TMTC1: variants seen among roughly 807,000 people sequenced by gnomAD.
The protein encoded by TMTC1 is transmembrane O-mannosyltransferase targeting cadherins 1, also known as protein O-mannosyl-transferase TMTC1.
In TMTC1, 73 loss-of-function variants were observed where a neutral mutation model predicts 104.8. That is an observed-to-expected ratio of 0.70 (90% CI 0.58 to 0.85). The LOEUF is 0.85. Among genes scored for constraint, TMTC1 ranks in the 40% least tolerant of loss-of-function variants. The pLI, the probability that TMTC1 is intolerant of heterozygous loss-of-function variation, is 0.00. For missense variants in TMTC1, 1,035 were observed against 1,096.1 expected (o/e 0.94, Z 0.79); for synonymous variants, 434 against 428.7 (o/e 1.01, Z -0.15).
intron 5 of TMTC1, among the ~76,000 whole-genome samples, chr12:29,641,947 TTGGA>T (rs766237731): frequency 1.9e-4 from 29 of 152,246 alleles, no homozygotes; most frequent in Admixed American, 5.9e-4. Flanking sequence ...GTGAAATGCC[TTGGA>T]AGTTCTCAGC....
intron 16 of TMTC1, among the ~76,000 whole-genome samples, chr12:29,512,401 A>AT (rs1430896846): frequency 6.6e-6 from 1 of 152,210 alleles, no homozygotes; most frequent in African/African-American, 2.4e-5. Flanking sequence ...ATATCACATC[A>AT]TTTTTAACTG....
At chr12:29,638,512 G>C (rs567629839) in intron 5 of TMTC1, among the ~76,000 whole-genome samples, 1 of 152,234 alleles carries the variant, frequency 6.6e-6, no homozygotes, top group African/African-American at 2.4e-5. Context: ...TGGTACACTA[G>C]GGCAAGAACT....
intron 5 of TMTC1, among the ~76,000 whole-genome samples, chr12:29,680,002 C>A (rs956431933): frequency 6.6e-6 from 1 of 152,152 alleles, no homozygotes; most frequent in African/African-American, 2.4e-5. Flanking sequence ...AAACCCCACA[C>A]ACTATTTTTA....
At chr12:29,541,380 T>A (rs1944792345) in intron 10 of TMTC1, among the ~76,000 whole-genome samples, 2 of 152,214 alleles carry the variant, frequency 1.3e-5, no homozygotes, top group Non-Finnish European at 2.9e-5. Context: ...TAGCTGTGTT[T>A]CCTTAGGCAA....
intron 5 of TMTC1, among the ~76,000 whole-genome samples, chr12:29,674,703 C>T (rs963424489): frequency 1.4e-4 from 21 of 152,136 alleles, no homozygotes; most frequent in African/African-American, 4.3e-4. Flanking sequence ...CTCTGTTCAA[C>T]GACCTGTGGT....
intron 5 of TMTC1, among the ~76,000 whole-genome samples, chr12:29,686,448 T>C (rs79554804): frequency 1.2e-4 from 18 of 152,334 alleles, no homozygotes; most frequent in African/African-American, 4.1e-4. Flanking sequence ...AGGGAAAGAT[T>C]TGATCTGTAT....
intron 1 of TMTC1, 51 bp from the exon 2 acceptor site, chr12:29,768,126 A>C: frequency 7.4e-7 from 1 of 1,357,624 alleles, no homozygotes; most frequent in South Asian, 1.4e-5. Flanking sequence ...CAAACTCAAC[A>C]TAAACACAAG....
intron 7 of TMTC1, 45 bp downstream of exon 7, chr12:29,604,133 G>T: frequency 6.2e-7 from 1 of 1,609,042 alleles, no homozygotes; most frequent in South Asian, 1.1e-5. Context: ...CAATGTTGGT[G>T]ACAGAGGGCA....
intron 4 of TMTC1, among the ~76,000 whole-genome samples, chr12:29,754,438 CGT>C (rs1943167644): frequency 6.6e-6 from 1 of 152,120 alleles, no homozygotes; most frequent in African/African-American, 2.4e-5. Flanking sequence ...GACTGGACCA[CGT>C]GAGAGAACGC....
At chr12:29,517,875 C>T (rs1441000722) in intron 13 of TMTC1, among the ~76,000 whole-genome samples, 1 of 152,048 alleles carries the variant, frequency 6.6e-6, no homozygotes, top group Non-Finnish European at 1.5e-5. Context: ...CCATCATGCC[C>T]GGCTAATTTT....
chr12:29,783,499 C>T lies in TMTC1; in HGVS notation c.253G>A (p.Glu85Lys). The change falls in exon 1 of 18, where the codon GAG becomes AAG. Residue 85 changes from glutamate (E) to lysine (K), a missense_variant. By Grantham distance (56) the Glu-to-Lys change is moderately conservative (BLOSUM62 1). Coordinates refer to ENST00000539277, the MANE Select transcript of TMTC1 (RefSeq NM_001193451.2). The surrounding 1 kb of genome is among the most constrained non-coding windows in gnomAD (Gnocchi z 4.7). ...TNDFWGKGMA[E>K]NTSHKSYRPL... ...CGGTAGGACTTGTGGCTGGTGTTCT[C>T]GGCCATGCCCTTGCCCCAGAAGTCG... 7.1e-7 allele frequency: 1 copy of T among 1,408,858 alleles called. No homozygotes were observed. The highest frequency in any genetic ancestry group is 9.3e-7 in the Non-Finnish European group (1 of 1,076,884). The allele number at this position is 1,408,858 out of a possible 1,614,324, so 87.3% of individuals were successfully genotyped here.
chr12:29,511,778 C>T (rs970113531), intron 17 of TMTC1, among the ~76,000 whole-genome samples: 1 of 152,132 alleles, frequency 6.6e-6, no homozygotes, highest in African/African-American at 2.4e-5. Flanking sequence ...CCATTAGGTA[C>T]ATATGATTTT....
chr12:29,564,392 G>C (rs1215404333), intron 9 of TMTC1, among the ~76,000 whole-genome samples: 3 of 152,100 alleles, frequency 2.0e-5, no homozygotes, highest in East Asian at 3.9e-4. Flanking sequence ...AAGGAGGAGA[G>C]GGTCCTGAGA....
chr12:29,783,804 C>A lies in TMTC1; in HGVS notation c.-53G>T, dbSNP rs1943896864. On this transcript the variant is annotated 5_prime_UTR_variant, in exon 1 of 18. The change creates a premature stop within an existing upstream ORF in the 5' untranslated region. Coordinates refer to ENST00000539277, the MANE Select transcript of TMTC1 (RefSeq NM_001193451.2). The surrounding 1 kb of genome is among the most constrained non-coding windows in gnomAD (Gnocchi z 4.7). ...GCCTCTCCCGGGCGTCTGGCATCCT[C>A]CCCTACCGGGGCCCCGGCGGCGCGC... The A allele has an allele frequency of 2.7e-6, 3 of 1,121,414 alleles. No individual in the cohort carries two copies. The highest frequency in any genetic ancestry group is 3.3e-6 in the Non-Finnish European group (3 of 918,872). The allele number at this position is 1,121,414 out of a possible 1,614,324, so 69.5% of individuals were successfully genotyped here.
intron 5 of TMTC1, among the ~76,000 whole-genome samples, chr12:29,747,018 G>T (rs1288438032): frequency 6.6e-6 from 1 of 152,186 alleles, no homozygotes; most frequent in East Asian, 1.9e-4. Flanking sequence ...CTGAAGGGTA[G>T]CAGAGGAAAG....
chr12:29,781,837 G>GA (rs905297126), intron 1 of TMTC1, among the ~76,000 whole-genome samples: 1 of 151,792 alleles, frequency 6.6e-6, no homozygotes, highest in Admixed American at 6.5e-5. Context: ...TCCCAAAAAA[G>GA]AAAAAAAGAG....
intron 5 of TMTC1, among the ~76,000 whole-genome samples, chr12:29,735,206 T>C (rs1448630997): frequency 1.3e-5 from 2 of 152,188 alleles, no homozygotes; most frequent in Non-Finnish European, 2.9e-5. Context: ...TGATCACTTT[T>C]TAAAGTTATT....
intron 10 of TMTC1, among the ~76,000 whole-genome samples, chr12:29,552,292 A>T (rs985819859): frequency 5.3e-5 from 8 of 152,326 alleles, no homozygotes; most frequent in African/African-American, 1.4e-4. Context: ...AAGAATGCAC[A>T]CCATCTCAGT....
intron 9 of TMTC1, among the ~76,000 whole-genome samples, chr12:29,567,031 A>T (rs149774995): frequency 7.2e-5 from 11 of 152,292 alleles, no homozygotes; most frequent in African/African-American, 2.6e-4. Context: ...TCCTGGATGC[A>T]GCGATTGGTT....
Sources: allele counts gnomAD v4.1 joint callset (sites outside exome capture counted in the v4.1 genomes callset), GRCh38; gene constraint gnomAD v4.1.1; non-coding constraint Gnocchi (gnomAD v3.1); transcripts MANE v1.5; gene names NCBI Gene and HGNC (gene_info 2026-07-23, HGNC 2026-07-21).